PLA2G6: variants seen among roughly 807,000 people sequenced by gnomAD.
The protein encoded by PLA2G6 is phospholipase A2 group VI, also known as 85/88 kDa calcium-independent phospholipase A2.
A neutral mutation model predicts 83.8 loss-of-function variants in PLA2G6; 62 were observed. The ratio of observed to expected loss-of-function variants is 0.74; its 90% CI spans 0.60 to 0.91. The LOEUF is 0.91. Ranked by LOEUF, PLA2G6 falls within the 40% of genes least tolerant of loss-of-function variation. The pLI, the probability that PLA2G6 is intolerant of heterozygous loss-of-function variation, is 0.00. For synonymous variants in PLA2G6, 417 were observed against 449.8 expected, an observed-to-expected ratio of 0.93 and a Z score of 0.92; for missense variants, 944 against 1,102.0, an observed-to-expected ratio of 0.86 and a Z score of 2.03.
At position 38,112,498 on chromosome 22, in the gene PLA2G6, C is replaced by A. The variant is rs1384864286; in HGVS notation, c.2276+6G>T. ...GGGCCAAGGGCTGGGGCGGCTGAGC[C>A]CTCACCTGAAGTACTGGATGCCGAC... On this transcript the variant is annotated splice_donor_region_variant and intron_variant, in intron 16 of 16. Transcript: ENST00000332509. The A allele has an allele frequency of 3.2e-6, 5 of 1,553,038 alleles. No homozygotes were observed. Among genetic ancestry groups the A allele is most frequent in the Non-Finnish European group, 4.4e-6 (5 of 1,149,234 alleles).
rs758834312 is a variant in PLA2G6 at position 38,112,116 on chromosome 22, C to A, written c.*45G>T. On this transcript the variant is annotated 3_prime_UTR_variant, in exon 17 of 17. Transcript: ENST00000332509. The stretch of plus-strand genomic sequence containing the variant: ...GTGGCTGGGCTTGGCCTGGCAGGGG[C>A]TGAATGGACGAGGTCAGCTGGGGCC... The A allele has an allele frequency of 1.3e-6, 2 of 1,554,214 alleles. No homozygotes were observed. The highest frequency in any genetic ancestry group is 4.8e-5 in the East Asian group (2 of 41,394).
At chr22:38,140,488 A>G (rs1261456100) in intron 4 of PLA2G6, 2 of 328,576 alleles carry the variant, frequency 6.1e-6, no homozygotes, top group Non-Finnish European at 1.2e-5. Flanking sequence ...AGCCTGGGCA[A>G]TAGAGCAAAA....
chr22:38,129,644 C>T, intron 7 of PLA2G6, 82 bp from the exon 8 acceptor site: 1 of 1,003,704 alleles, frequency 1.0e-6, no homozygotes, highest in Non-Finnish European at 1.6e-6. Flanking sequence ...CAGCCCCAAC[C>T]TGTCAACTCA....
chr22:38,138,616 C>T (rs1414745902), intron 5 of PLA2G6: 2 of 152,224 alleles, frequency 1.3e-5, no homozygotes, highest in Non-Finnish European at 2.9e-5. Flanking sequence ...AGCACAGTGC[C>T]AGGATCGAAG....
At chr22:38,181,541 G>A (rs2090847797) in intron 1 of PLA2G6, 123 bp downstream of exon 1, 1 of 152,322 alleles carries the variant, frequency 6.6e-6, no homozygotes, top group African/African-American at 2.4e-5. Flanking sequence ...TGGGGTCCCT[G>A]GGGTCCACAA....
At chr22:38,167,004 G>A (rs181978242) in intron 2 of PLA2G6, among the ~76,000 whole-genome samples, 30 of 151,306 alleles carry the variant, frequency 2.0e-4, no homozygotes, top group South Asian at 1.5e-3. Context: ...CGAGGCAGGC[G>A]GATCACGAGG....
intron 2 of PLA2G6, among the ~76,000 whole-genome samples, chr22:38,168,407 G>A (rs538204377): frequency 4.6e-5 from 7 of 152,350 alleles, no homozygotes; most frequent in South Asian, 2.1e-4. Context: ...CAGCTCTGCC[G>A]TTGGCCCGGT....
At chr22:38,162,042 T>TA (rs1050120600) in intron 2 of PLA2G6, among the ~76,000 whole-genome samples, 17 of 150,888 alleles carry the variant, frequency 1.1e-4, no homozygotes, top group African/African-American at 2.2e-4. Context: ...CTGTCTGTAC[T>TA]AAAAAAAATA....
At chr22:38,141,034 T>C (rs945967356) in intron 4 of PLA2G6, 1 of 151,638 alleles carries the variant, frequency 6.6e-6, no homozygotes, top group Non-Finnish European at 1.5e-5. Context: ...CTACTAAAAA[T>C]ACAAAAAAAA....
At position 38,169,331 on chromosome 22, in the gene PLA2G6, G is replaced by A; in HGVS notation, c.96C>T (p.Tyr32=). 1.2e-6 allele frequency: 2 copies of A among 1,614,192 alleles called. No homozygotes were observed. The highest frequency in any genetic ancestry group is 1.7e-6 in the Non-Finnish European group (2 of 1,180,014). ...CCTCCCGAACTCGGTCACTCGAGGT[G>A]TAGTCGGCCACAGCCACCTCCTTCA... ...FRVKEVAVAD[Y]TSSDRVREEG... is the part of the protein sequence containing the mutation. The change falls in exon 2 of 17, where the codon TAC becomes TAT. Residue 32 remains tyrosine (Y), a synonymous_variant. Transcript: ENST00000332509.
At chr22:38,178,792 G>A (rs1384814033) in intron 1 of PLA2G6, among the ~76,000 whole-genome samples, 1 of 152,104 alleles carries the variant, frequency 6.6e-6, no homozygotes, top group African/African-American at 2.4e-5. Flanking sequence ...CTCAAACCCA[G>A]GAGGCGGAGG....
At chr22:38,175,896 AGAAT>A (rs982413342) in intron 1 of PLA2G6, among the ~76,000 whole-genome samples, 11 of 152,294 alleles carry the variant, frequency 7.2e-5, no homozygotes, top group Admixed American at 2.0e-4. Flanking sequence ...TGAATGAATG[AGAAT>A]GAATGAATGA....
chr22:38,146,675 G>A (rs1297818936), intron 2 of PLA2G6: 1 of 151,678 alleles, frequency 6.6e-6, no homozygotes, highest in Non-Finnish European at 1.5e-5. Context: ...TAAATGTACA[G>A]CAACAAAATA....
chr22:38,127,133 G>GT, intron 9 of PLA2G6: 1 of 1,127,368 alleles, frequency 8.9e-7, no homozygotes, highest in Non-Finnish European at 1.1e-6. Context: ...AGCAGCCCGC[G>GT]TGACCCCAAC....
intron 9 of PLA2G6, 78 bp from the exon 10 acceptor site, chr22:38,126,527 C>A: frequency 9.1e-7 from 1 of 1,099,670 alleles, no homozygotes. Context: ...CTAGATCAAA[C>A]CTGGGCTGTG....
intron 2 of PLA2G6, chr22:38,148,233 TGCAAA>T: frequency 2.5e-6 from 1 of 406,484 alleles, no homozygotes; most frequent in Non-Finnish European, 4.5e-6. Context: ...ATCTGAAGAT[TGCAAA>T]GATAGATATT....
intron 2 of PLA2G6, among the ~76,000 whole-genome samples, chr22:38,165,084 C>G (rs1406866811): frequency 6.6e-6 from 1 of 152,210 alleles, no homozygotes; most frequent in Non-Finnish European, 1.5e-5. Context: ...ATCCCAGTCC[C>G]CATCCTCCAC....
intron 4 of PLA2G6, 128 bp downstream of exon 4, chr22:38,142,977 C>T: frequency 1.1e-6 from 1 of 882,652 alleles, no homozygotes; most frequent in Non-Finnish European, 1.9e-6. Context: ...CATGAAGGAG[C>T]TCAGGCCTCA....
chr22:38,162,807 A>T (rs923880826), intron 2 of PLA2G6, among the ~76,000 whole-genome samples: 2 of 152,122 alleles, frequency 1.3e-5, no homozygotes, highest in African/African-American at 2.4e-5. Context: ...TGGGAGAGGG[A>T]CTGGGAGAGA....
Sources: gnomAD v4.1 joint callset for allele counts (sites outside exome capture counted in the v4.1 genomes callset) on GRCh38, gnomAD v4.1.1 for gene constraint, MANE v1.5 for transcripts, NCBI Gene and HGNC (gene_info 2026-07-23, HGNC 2026-07-21) for gene names.